Variants in SPART observed in about 807,000 individuals in gnomAD.
SPART encodes spastic paraplegia 20 (Troyer syndrome).
SPART carries 35 observed loss-of-function variants against 58.7 expected under a neutral mutation model. The observed-to-expected ratio is 0.60, with a 90% CI of 0.46 to 0.79. SPART has a LOEUF of 0.79. SPART is among the 30% of genes least tolerant of loss of function. The pLI is 0.00. For missense variants in SPART, 730 were observed against 786.1 expected, an observed-to-expected ratio of 0.93 and a Z score of 0.85; for synonymous variants, 284 against 280.7, an observed-to-expected ratio of 1.01 and a Z score of -0.12.
At chr13:36,339,483 T>A (rs1375229149) in intron 1 of SPART, among the ~76,000 whole-genome samples, 7 of 151,022 alleles carry the variant, frequency 4.6e-5, no homozygotes, top group Non-Finnish European at 1.0e-4. Context: ...TACAAAAAAA[T>A]TTCCAGGGCA....
upstream of SPART, among the ~76,000 whole-genome samples, chr13:36,349,008 A>C (rs985839790): frequency 2.0e-5 from 3 of 152,228 alleles, no homozygotes; most frequent in Non-Finnish European, 4.4e-5. Context: ...TCACACCTGT[A>C]ATCCCAGCAC....
At chr13:36,312,576 T>C in intron 6 of SPART, 99 bp from the exon 7 acceptor site, 1 of 1,237,558 alleles carries the variant, frequency 8.1e-7, no homozygotes, top group Non-Finnish European at 1.2e-6. Flanking sequence ...ATCTAAATTG[T>C]TTTACTATAT....
chr13:36,325,995 G>GTC (rs1236763775), intron 5 of SPART: 1 of 152,844 alleles, frequency 6.5e-6, no homozygotes, highest in African/African-American at 2.4e-5. Flanking sequence ...GGTACATTTG[G>GTC]TCTCTGGTGA....
Position 36,302,063 on chromosome 13 carries a change from A to T in SPART, c.*2302T>A, listed in dbSNP as rs1880037349. The T allele has an allele frequency of 6.6e-6, 1 of 152,174 alleles. No homozygotes were observed. Among genetic ancestry groups the T allele is most frequent in the Non-Finnish European group, 1.5e-5 (1 of 68,028 alleles). The allele number at this position is 152,174 out of a possible 1,614,324, so 9.4% of individuals were successfully genotyped here. On this transcript the variant is annotated 3_prime_UTR_variant, in exon 9 of 9. Transcript: ENST00000438666. Reference sequence around the variant, plus strand: ...AAAAAATGAAACAGTATGTTTGGAGAACATACATGTGTGATTAAAAAATGG... The same window carrying T: ...AAAAAATGAAACAGTATGTTTGGAGTACATACATGTGTGATTAAAAAATGG...
Position 36,314,235 on chromosome 13 carries a change from T to G in SPART, c.1475A>C (p.Gln492Pro). Residue 492 changes from glutamine (Q) to proline (P), a missense_variant, in exon 6 of 9, where the codon CAG becomes CCG. Physicochemically the swap from Gln to Pro is moderately conservative, Grantham distance 76. Transcript: ENST00000438666. ...ATCTAGAATTACTTTACCCAGGAAC[T>G]GACTGACTTTTGCTGCTCCTCCTGT... ...QATGGAAKVS[Q>P]FLVDGVCTVA... 6.2e-7 allele frequency: 1 copy of G among 1,614,062 alleles called. No individual in the cohort carries two copies. The highest frequency in any genetic ancestry group is 8.5e-7 in the Non-Finnish European group (1 of 1,179,970).
chr13:36,329,306 A>G (rs1455348069), intron 4 of SPART, 56 bp downstream of exon 4: 73 of 1,591,594 alleles, frequency 4.6e-5, no homozygotes, highest in Non-Finnish European at 5.5e-5. Context: ...AATACATGAA[A>G]CTGGAGAAAG....
intron 8 of SPART, among the ~76,000 whole-genome samples, chr13:36,306,835 T>C (rs1880551184): frequency 6.6e-6 from 1 of 152,230 alleles, no homozygotes; most frequent in African/African-American, 2.4e-5. Context: ...AGTTTCTACC[T>C]CTTTACATAT....
intron 5 of SPART, among the ~76,000 whole-genome samples, chr13:36,321,012 G>A (rs558184621): frequency 6.6e-6 from 1 of 152,212 alleles, no homozygotes; most frequent in East Asian, 1.9e-4. Flanking sequence ...ACTTAAAAAG[G>A]ACTGGACAAT....
intron 3 of SPART, among the ~76,000 whole-genome samples, chr13:36,331,010 G>A (rs949639627): frequency 1.3e-5 from 2 of 152,124 alleles, no homozygotes; most frequent in African/African-American, 4.8e-5. Context: ...GAAAACAATA[G>A]CTAACATTCA....
intron 5 of SPART, among the ~76,000 whole-genome samples, chr13:36,319,421 C>T (rs1882120725): frequency 6.6e-6 from 1 of 150,712 alleles, no homozygotes; most frequent in South Asian, 2.1e-4. Context: ...CCTTACCCCA[C>T]TCAACGCCAA....
chr13:36,305,103 T>C (rs1414102248), intron 8 of SPART, among the ~76,000 whole-genome samples: 1 of 152,156 alleles, frequency 6.6e-6, no homozygotes, highest in Non-Finnish European at 1.5e-5. Context: ...AGAGATTCTA[T>C]GGCATTCTCC....
chr13:36,369,029 T>C (rs925008520), intron 1 of SPART, among the ~76,000 whole-genome samples: 2 of 152,178 alleles, frequency 1.3e-5, no homozygotes, highest in Non-Finnish European at 2.9e-5. Flanking sequence ...AATTTAAAAA[T>C]TGCAGAACAT....
rs1386301646 is a variant in SPART, at chr13:36,319,410, C to G, written c.1289-4989G>C. 1.9e-4 allele frequency among the ~76,000 whole-genome samples: 28 copies of G among 150,372 alleles called. No individual in the cohort carries two copies. In the East Asian group the frequency reaches 5.6e-3, roughly 30 times the overall value. ...TTACCATCTCATTAAAACCTAATCA[C>G]CCTTACCCCACTCAACGCCAATATC... On this transcript the variant is annotated intron_variant, in intron 5 of 8. Transcript: ENST00000438666.
At chr13:36,362,128 A>G (rs769196857) in intron 1 of SPART, among the ~76,000 whole-genome samples, 2 of 152,176 alleles carry the variant, frequency 1.3e-5, no homozygotes, top group Non-Finnish European at 2.9e-5. Flanking sequence ...AGATGGGCGG[A>G]TCACCTGAGG....
upstream of SPART, among the ~76,000 whole-genome samples, chr13:36,350,032 T>C (rs373605058): frequency 1.3e-5 from 2 of 152,354 alleles, no homozygotes; most frequent in African/African-American, 4.8e-5. Flanking sequence ...TGCTTGAGAT[T>C]AGCAGAAAAT....
chr13:36,347,793 T>C (rs1885239409), upstream of SPART, among the ~76,000 whole-genome samples: 1 of 152,144 alleles, frequency 6.6e-6, no homozygotes, highest in Non-Finnish European at 1.5e-5. Flanking sequence ...TTATTATAAA[T>C]TAACATTTTA....
intron 5 of SPART, among the ~76,000 whole-genome samples, chr13:36,316,504 T>C (rs1450924476): frequency 1.3e-5 from 2 of 152,130 alleles, no homozygotes; most frequent in African/African-American, 4.8e-5. Flanking sequence ...GTGATGACAT[T>C]ACCTTGTGAA....
upstream of SPART, among the ~76,000 whole-genome samples, chr13:36,349,062 G>A (rs962015450): frequency 3.9e-5 from 6 of 152,158 alleles, no homozygotes; most frequent in Non-Finnish European, 8.8e-5. Context: ...TCGGGAGTTC[G>A]AGACCAGCCC....
intron 3 of SPART, 129 bp downstream of exon 3, chr13:36,331,270 C>T (rs1006222808): frequency 1.1e-5 from 9 of 846,050 alleles, no homozygotes; most frequent in Non-Finnish European, 1.8e-5. Flanking sequence ...GTTGTGAACA[C>T]ACAAACAAAT....
Sources: allele counts gnomAD v4.1 joint callset (sites outside exome capture counted in the v4.1 genomes callset), GRCh38; gene constraint gnomAD v4.1.1; transcripts MANE v1.5; gene names NCBI Gene and HGNC (gene_info 2026-07-23, HGNC 2026-07-21).